The following C1orf21 variants were observed in gnomAD, a reference collection of about 807,000 sequenced individuals.
C1orf21 encodes the protein chromosome 1 open reading frame 21, also known as uncharacterized protein C1orf21.
Under a neutral mutation model 18.7 loss-of-function variants are expected in C1orf21, and 3 were observed. The ratio of observed to expected loss-of-function variants is 0.16; its 90% CI spans 0.07 to 0.42. The LOEUF is 0.42. Ranked by LOEUF, C1orf21 falls within the 10% of genes least tolerant of loss-of-function variation. The pLI, the probability that C1orf21 is intolerant of heterozygous loss-of-function variation, is 0.99. For synonymous variants in C1orf21, 41 were observed against 46.4 expected (o/e 0.88, Z 0.47); for missense variants, 104 against 143.6 (o/e 0.72, Z 1.41).
intron 2 of C1orf21, among the ~76,000 whole-genome samples, chr1:184,491,727 A>G (rs1657819781): frequency 2.0e-5 from 3 of 152,188 alleles, no homozygotes; most frequent in African/African-American, 7.2e-5. Flanking sequence ...TGAATCATCA[A>G]TGACAGTGAC....
At chr1:184,388,763 T>A (rs1418758861) in intron 1 of C1orf21, among the ~76,000 whole-genome samples, 1 of 152,124 alleles carries the variant, frequency 6.6e-6, no homozygotes, top group Admixed American at 6.5e-5. Flanking sequence ...ACCTTTTGAT[T>A]TGATAGAATT....
At chr1:184,534,148 A>G (rs1419371676) in intron 3 of C1orf21, among the ~76,000 whole-genome samples, 1 of 152,208 alleles carries the variant, frequency 6.6e-6, no homozygotes, top group South Asian at 2.1e-4. Context: ...GTGTCATTGC[A>G]TAGTTTATAG....
intron 3 of C1orf21, among the ~76,000 whole-genome samples, chr1:184,577,942 G>GTTT (rs1558006928): frequency 3.6e-5 from 4 of 109,668 alleles, no homozygotes; most frequent in African/African-American, 1.6e-4. Context: ...TTTGTTTTTT[G>GTTT]TTTTGTTTTT....
intron 1 of C1orf21, among the ~76,000 whole-genome samples, chr1:184,421,977 T>C (rs964330389): frequency 2.6e-5 from 4 of 152,218 alleles, no homozygotes; most frequent in African/African-American, 9.7e-5. Flanking sequence ...TGTGTGCATA[T>C]GTGCATGGAT....
At chr1:184,431,715 A>G (rs552641113) in intron 1 of C1orf21, among the ~76,000 whole-genome samples, 1 of 152,306 alleles carries the variant, frequency 6.6e-6, no homozygotes, top group South Asian at 2.1e-4. Flanking sequence ...TTTGCAATCT[A>G]TCCATCTTAC....
chr1:184,521,795 A>G (rs182025916), intron 3 of C1orf21, among the ~76,000 whole-genome samples: 35 of 152,312 alleles, frequency 2.3e-4, no homozygotes, highest in Admixed American at 1.4e-3. Flanking sequence ...ATCTCGGTAT[A>G]GAATGCAGAC....
chr1:184,473,950 T>A (rs1657532745), intron 1 of C1orf21, among the ~76,000 whole-genome samples: 1 of 152,200 alleles, frequency 6.6e-6, no homozygotes, highest in South Asian at 2.1e-4. Flanking sequence ...ATCTGTCACT[T>A]AGTATTTTAA....
intron 3 of C1orf21, among the ~76,000 whole-genome samples, chr1:184,510,918 C>T (rs1365677115): frequency 6.6e-6 from 1 of 152,088 alleles, no homozygotes; most frequent in East Asian, 1.9e-4. Context: ...TAAGTCTGAA[C>T]CAAGGTGTTG....
chr1:184,498,274 A>T (rs1657922599), intron 2 of C1orf21, among the ~76,000 whole-genome samples: 1 of 152,226 alleles, frequency 6.6e-6, no homozygotes, highest in Non-Finnish European at 1.5e-5. Context: ...TTTTTCATTC[A>T]CCGAAATTCA....
chr1:184,590,707 G>A, intron 3 of C1orf21, 32 bp from the exon 4 acceptor site: 1 of 1,572,802 alleles, frequency 6.4e-7, no homozygotes, highest in Non-Finnish European at 8.8e-7. Flanking sequence ...TTCTAATCCT[G>A]TCTTTCACAT....
chr1:184,426,380 C>T lies in C1orf21; in HGVS notation c.-125+39012C>T, dbSNP rs373758584. ...CCTCAGAGCGATCTTTTAAAGAGCC[C>T]GTCTGATTACATCGCTCCCCTGCTT... On this transcript the variant is annotated intron_variant, in intron 1 of 5. Coordinates refer to ENST00000235307, the MANE Select transcript of C1orf21 (RefSeq NM_030806.4). Among the ~76,000 whole-genome samples, 28 of 152,180 alleles carry T rather than the reference C, an allele frequency of 1.8e-4. No individual in the cohort carries two copies. In the East Asian group the frequency reaches 5.0e-3, roughly 27 times the overall value.
chr1:184,446,504 G>T (rs1657032017), intron 1 of C1orf21, among the ~76,000 whole-genome samples: 1 of 152,088 alleles, frequency 6.6e-6, no homozygotes, highest in African/African-American at 2.4e-5. Context: ...GTGCCAATCT[G>T]CAGGATATAG....
At chr1:184,547,018 G>A (rs568570893) in intron 3 of C1orf21, among the ~76,000 whole-genome samples, 1 of 152,238 alleles carries the variant, frequency 6.6e-6, no homozygotes, top group Non-Finnish European at 1.5e-5. Context: ...ATGAACAGCA[G>A]TAACTAAAAA....
chr1:184,610,133 G>C (rs1357647065), intron 5 of C1orf21, among the ~76,000 whole-genome samples: 2 of 152,224 alleles, frequency 1.3e-5, no homozygotes, highest in African/African-American at 4.8e-5. Flanking sequence ...CAGCCTGCGA[G>C]ACAAAAATGG....
intron 3 of C1orf21, among the ~76,000 whole-genome samples, chr1:184,553,563 G>A (rs1241584618): frequency 2.0e-5 from 3 of 152,186 alleles, no homozygotes; most frequent in Non-Finnish European, 4.4e-5. Flanking sequence ...TTTGGGCACC[G>A]TTTGTTGGAG....
At chr1:184,572,335 C>T (rs567068168) in intron 3 of C1orf21, among the ~76,000 whole-genome samples, 2 of 152,138 alleles carry the variant, frequency 1.3e-5, no homozygotes, top group African/African-American at 2.4e-5. Context: ...AGAGAGGAGG[C>T]GTAGGAAGAG....
Position 184,594,965 on chromosome 1 carries a change from T to C in C1orf21, c.267-3436T>C, listed in dbSNP as rs117584067. Among the ~76,000 whole-genome samples the C allele has an allele frequency of 1.6e-3, 250 of 152,332 alleles. 10 individuals are homozygous for C. In the East Asian group the frequency reaches 0.042, roughly 25 times the overall value. On this transcript the variant is annotated intron_variant, in intron 4 of 5. Transcript: ENST00000235307. ...CCACCATTCATTAATTTGTTTACTTTGCATTAAGATGCCATTGTATTGTCA... is the reference window on the plus strand; with the variant it reads ...CCACCATTCATTAATTTGTTTACTTCGCATTAAGATGCCATTGTATTGTCA...
chr1:184,621,490 T>C lies in C1orf21; in HGVS notation c.*1934T>C, dbSNP rs1336966469. The C allele has an allele frequency of 6.6e-6, 1 of 152,656 alleles. No individual in the cohort carries two copies. Among genetic ancestry groups the C allele is most frequent in the Non-Finnish European group, 1.5e-5 (1 of 68,046 alleles). The allele number at this position is 152,656 out of a possible 1,614,324, so 9.5% of individuals were successfully genotyped here. Reference sequence around the variant, plus strand: ...CAGTTTTCCACAACTGTAAACAAACTGCTAAGCCCCACCTCAAACTTGTTC... The same window carrying C: ...CAGTTTTCCACAACTGTAAACAAACCGCTAAGCCCCACCTCAAACTTGTTC... On this transcript the variant is annotated 3_prime_UTR_variant, in exon 6 of 6. Transcript: ENST00000235307.
intron 5 of C1orf21, among the ~76,000 whole-genome samples, chr1:184,615,899 T>C (rs1368835807): frequency 1.3e-5 from 2 of 152,230 alleles, no homozygotes; most frequent in African/African-American, 4.8e-5. Context: ...GGGTACTTAG[T>C]ATATGTATCA....
Sources: gnomAD v4.1 joint callset for allele counts (sites outside exome capture counted in the v4.1 genomes callset) on GRCh38, gnomAD v4.1.1 for gene constraint, MANE v1.5 for transcripts, NCBI Gene and HGNC (gene_info 2026-07-23, HGNC 2026-07-21) for gene names.